GRID2: variants seen among roughly 807,000 people sequenced by gnomAD.
GRID2 encodes the protein glutamate receptor ionotropic, delta-2.
A neutral mutation model predicts 114.8 loss-of-function variants in GRID2; 33 were observed. The observed-to-expected ratio is 0.29, with a 90% CI of 0.22 to 0.38. The LOEUF (loss-of-function observed/expected upper bound fraction) is 0.38. Among genes scored for constraint, GRID2 ranks in the 10% least tolerant of loss-of-function variants. The pLI, the probability that GRID2 is intolerant of heterozygous loss-of-function variation, is 1.00. For synonymous variants in GRID2, 505 were observed against 449.9 expected (o/e 1.12, Z -1.55); for missense variants, 1,184 against 1,257.7 (o/e 0.94, Z 0.89).
chr4:92,992,165 CTATT>C (rs1754945370), intron 2 of GRID2, among the ~76,000 whole-genome samples: 1 of 152,128 alleles, frequency 6.6e-6, no homozygotes, highest in Non-Finnish European at 1.5e-5. Flanking sequence ...TACATTTTCA[CTATT>C]TATCTCAGAG....
At chr4:93,279,643 G>C (rs1262852859) in intron 8 of GRID2, among the ~76,000 whole-genome samples, 2 of 151,884 alleles carry the variant, frequency 1.3e-5, no homozygotes, top group African/African-American at 4.8e-5. Flanking sequence ...CGACTCCTAA[G>C]ATATAAAAAT....
chr4:93,324,313 T>G (rs1034340386), intron 8 of GRID2, among the ~76,000 whole-genome samples: 1 of 152,130 alleles, frequency 6.6e-6, no homozygotes, highest in Non-Finnish European at 1.5e-5. Flanking sequence ...AATCATGTGG[T>G]TTTTGTCTTT....
chr4:93,290,072 T>C (rs1369526195), intron 8 of GRID2, among the ~76,000 whole-genome samples: 2 of 152,200 alleles, frequency 1.3e-5, no homozygotes, highest in African/African-American at 4.8e-5. Context: ...TCCTTTTGTC[T>C]TCATAAAGAA....
intron 13 of GRID2, among the ~76,000 whole-genome samples, chr4:93,560,757 G>A (rs1734845147): frequency 6.6e-6 from 1 of 152,046 alleles, no homozygotes; most frequent in African/African-American, 2.4e-5. Context: ...TGAGATTACA[G>A]GCATGAGCCA....
At chr4:92,721,480 TATA>T (rs935756738) in intron 2 of GRID2, among the ~76,000 whole-genome samples, 25 of 152,034 alleles carry the variant, frequency 1.6e-4, no homozygotes, top group African/African-American at 6.0e-4. Context: ...GGGAAAATAA[TATA>T]TTATTCTAAA....
intron 2 of GRID2, among the ~76,000 whole-genome samples, chr4:92,835,506 G>A (rs9884364): frequency 2.0e-5 from 3 of 152,194 alleles, no homozygotes; most frequent in Admixed American, 6.5e-5. Context: ...TTTCTCATAC[G>A]TATGAGGCTG....
chr4:92,835,762 C>CAT (rs1234468646), intron 2 of GRID2, among the ~76,000 whole-genome samples: 1 of 152,094 alleles, frequency 6.6e-6, no homozygotes, highest in Non-Finnish European at 1.5e-5. Context: ...TGTATGCATA[C>CAT]ATATAAACCT....
chr4:93,612,212 C>G (rs1366920347), intron 13 of GRID2, among the ~76,000 whole-genome samples: 1 of 149,190 alleles, frequency 6.7e-6, no homozygotes, highest in Non-Finnish European at 1.5e-5. Context: ...TGTCTCTGCA[C>G]GTGAGATGGG....
intron 13 of GRID2, among the ~76,000 whole-genome samples, chr4:93,566,388 A>G (rs890071460): frequency 3.3e-4 from 50 of 152,160 alleles, no homozygotes; most frequent in African/African-American, 1.2e-3. Context: ...GACTGCAAGG[A>G]GATGAGGGGA....
intron 2 of GRID2, among the ~76,000 whole-genome samples, chr4:92,790,032 A>G (rs1739503442): frequency 6.6e-6 from 1 of 151,864 alleles, no homozygotes; most frequent in African/African-American, 2.4e-5. Context: ...CATAATCTCC[A>G]GATTTTCTAT....
intron 2 of GRID2, among the ~76,000 whole-genome samples, chr4:92,850,250 T>C (rs1222300357): frequency 6.6e-6 from 1 of 151,632 alleles, no homozygotes; most frequent in Non-Finnish European, 1.5e-5. Flanking sequence ...TATTTAGATA[T>C]ACATTGAAAT....
intron 14 of GRID2, among the ~76,000 whole-genome samples, chr4:93,686,816 G>GA (rs1726120506): frequency 6.6e-6 from 1 of 151,968 alleles, no homozygotes; most frequent in Admixed American, 6.6e-5. Context: ...AGAGGCCAAG[G>GA]AAGGAAAGAG....
chr4:93,231,210 T>C (rs1370144782), intron 7 of GRID2, among the ~76,000 whole-genome samples: 1 of 152,078 alleles, frequency 6.6e-6, no homozygotes. Flanking sequence ...AAGTGTACTA[T>C]ATTTAAATAG....
chr4:93,767,550 C>T (rs1733769379), intron 14 of GRID2, among the ~76,000 whole-genome samples: 1 of 152,120 alleles, frequency 6.6e-6, no homozygotes, highest in East Asian at 1.9e-4. Flanking sequence ...TCCTGGACTG[C>T]CAGCACGGGG....
intron 2 of GRID2, among the ~76,000 whole-genome samples, chr4:92,935,802 G>T (rs1381679023): frequency 7.0e-6 from 1 of 143,218 alleles, no homozygotes; most frequent in Non-Finnish European, 1.5e-5. Flanking sequence ...ACCAAACACT[G>T]CATGTTCTCA....
At chr4:93,603,931 C>T (rs1739947149) in intron 13 of GRID2, among the ~76,000 whole-genome samples, 1 of 152,122 alleles carries the variant, frequency 6.6e-6, no homozygotes, top group South Asian at 2.1e-4. Flanking sequence ...ATTGACAATG[C>T]ACCTGGTCAC....
At chr4:93,399,358 T>C (rs1273147147) in intron 9 of GRID2, among the ~76,000 whole-genome samples, 2 of 152,122 alleles carry the variant, frequency 1.3e-5, no homozygotes, top group Non-Finnish European at 2.9e-5. Flanking sequence ...CTTATGACTG[T>C]TGATATTTTA....
At chr4:93,537,379 C>G (rs573123372) in intron 13 of GRID2, among the ~76,000 whole-genome samples, 1 of 151,754 alleles carries the variant, frequency 6.6e-6, no homozygotes, top group Admixed American at 6.6e-5. Flanking sequence ...ATTTTGCCTA[C>G]AAGGAATTTT....
At chr4:93,737,724 G>A (rs1000826890) in intron 14 of GRID2, among the ~76,000 whole-genome samples, 2 of 151,964 alleles carry the variant, frequency 1.3e-5, no homozygotes, top group Non-Finnish European at 2.9e-5. Context: ...CAAGAAAATT[G>A]AGTTTATGTA....
Sources: gnomAD v4.1 joint callset for allele counts (sites outside exome capture counted in the v4.1 genomes callset) on GRCh38, gnomAD v4.1.1 for gene constraint, MANE v1.5 for transcripts, NCBI Gene and HGNC (gene_info 2026-07-23, HGNC 2026-07-21) for gene names.